Variants in MIA3 observed in about 807,000 individuals in gnomAD.
MIA3 encodes MIA SH3 domain ER export factor 3.
MIA3 carries 90 observed loss-of-function variants against 192.4 expected under a neutral mutation model. That is an observed-to-expected ratio of 0.47 (90% CI 0.39 to 0.56). The LOEUF (loss-of-function observed/expected upper bound fraction) is 0.56. MIA3 is among the 20% of genes least tolerant of loss of function. MIA3 has a pLI of 0.00. For missense variants in MIA3, 2,123 were observed against 2,269.4 expected (o/e 0.94, Z 1.31); for synonymous variants, 740 against 792.8 (o/e 0.93, Z 1.12).
intron 2 of MIA3, among the ~76,000 whole-genome samples, chr1:222,623,163 A>T (rs1480252990): frequency 6.6e-6 from 1 of 152,148 alleles, no homozygotes; most frequent in Non-Finnish European, 1.5e-5. Flanking sequence ...GCGATACTCT[A>T]CTTTCCCTCC....
Position 222,630,030 on chromosome 1 carries a change from A to G in MIA3, c.2810A>G (p.Gln937Arg), listed in dbSNP as rs1662324126. The stretch of plus-strand genomic sequence containing the variant: ...TTCTTTAAAGAACAACAGTCTTTGC[A>G]GCGGTTCCAGAAGTACTTTAATGTC... Reference protein sequence around the residue: ...SSFFKEQQSLQRFQKYFNVHE... With the variant: ...SSFFKEQQSLRRFQKYFNVHE... The change falls in exon 4 of 28, where the codon CAG becomes CGG. Residue 937 changes from glutamine to arginine, a missense_variant. Gln to Arg is a conservative substitution (Grantham distance 43). Transcript: ENST00000344922. 1 of 1,614,028 alleles carries G rather than the reference A, an allele frequency of 6.2e-7. No homozygotes were observed. Among genetic ancestry groups the G allele is most frequent in the African/African-American group, 1.3e-5 (1 of 74,936 alleles).
Position 222,618,242 on chromosome 1 carries a change from C to T in MIA3, c.132C>T (p.Ser44=). 1 of 1,469,678 alleles carries T rather than the reference C, an allele frequency of 6.8e-7. No homozygotes were observed. Among genetic ancestry groups the T allele is most frequent in the Middle Eastern group, 1.8e-4 (1 of 5,620 alleles). 91.0% of individuals were successfully genotyped at this position (1,469,678 alleles called of 1,614,324 possible). A position where few individuals can be genotyped will look rare whatever the true frequency, so the allele number is the denominator to read the frequency against. Residue 44 remains serine (S), a splice_region_variant and synonymous_variant, in exon 1 of 28, where the codon AGC becomes AGT. Transcript: ENST00000344922. ...EHKLCADDEC[S]MLMYRGEALE... ...AACTCTGCGCGGACGACGAATGCAGCAGTGAGTGCGCTGGAGGGGCGGCTG... is the reference window on the plus strand; with the variant it reads ...AACTCTGCGCGGACGACGAATGCAGTAGTGAGTGCGCTGGAGGGGCGGCTG...
chr1:222,630,708 T>C (rs770211581), intron 4 of MIA3, among the ~76,000 whole-genome samples: 25 of 152,260 alleles, frequency 1.6e-4, no homozygotes, highest in Non-Finnish European at 2.8e-4. Context: ...GAAAGGGTTT[T>C]ATTGAACACA....
intron 1 of MIA3, among the ~76,000 whole-genome samples, chr1:222,620,376 T>G (rs1329378696): frequency 6.6e-6 from 1 of 152,260 alleles, no homozygotes; most frequent in East Asian, 1.9e-4. Context: ...ATAGTTTTGC[T>G]TAGTCCCAGC....
At chr1:222,656,520 CTT>C (rs1222854196) in intron 18 of MIA3, among the ~76,000 whole-genome samples, 1 of 151,810 alleles carries the variant, frequency 6.6e-6, no homozygotes, top group East Asian at 1.9e-4. Context: ...TCGTCATTTT[CTT>C]TTTGGTTTTT....
chr1:222,648,754 C>A, intron 7 of MIA3, 75 bp from the exon 8 acceptor site: 1 of 853,362 alleles, frequency 1.2e-6, no homozygotes, highest in Non-Finnish European at 1.9e-6. Context: ...ACAATTCTGA[C>A]AGTTGTATTA....
At chr1:222,637,008 G>T (rs1240790392) in intron 6 of MIA3, among the ~76,000 whole-genome samples, 1 of 152,080 alleles carries the variant, frequency 6.6e-6, no homozygotes, top group Non-Finnish European at 1.5e-5. Flanking sequence ...TTTCTCTCAG[G>T]GGTCACAATT....
In MIA3 at chr1:222,633,826, C is replaced by T. The variant is rs532326330; in HGVS notation, c.3477+577C>T. ...AGGTTATTTGGGGAAGCCAGGGAAG[C>T]GTGGGTAGTTGGTGTTTTTTCTTTT... On this transcript the variant is annotated intron_variant, in intron 6 of 27. Transcript: ENST00000344922. 7.3e-5 allele frequency among the ~76,000 whole-genome samples: 11 copies of T among 151,428 alleles called. No individual in the cohort carries two copies. In the South Asian group the frequency reaches 1.7e-3, roughly 23 times the overall value.
intron 7 of MIA3, among the ~76,000 whole-genome samples, chr1:222,647,009 G>A (rs1663179231): frequency 1.3e-5 from 2 of 152,102 alleles, no homozygotes; most frequent in Admixed American, 1.3e-4. Context: ...GAAAATAAAT[G>A]CTGCAAGGAA....
rs2291832 is a variant in MIA3 at position 222,653,139 on chromosome 1, G to A, written c.4209+9G>A. The stretch of plus-strand genomic sequence containing the variant: ...AGGATGATAATATTAATGTAAGTGC[G>A]TTCATGAATACAAGCTTAATTCTTG... On this transcript the variant is annotated intron_variant, in intron 14 of 27. Transcript: ENST00000344922. 0.68 allele frequency: 1,080,728 copies of A among 1,599,446 alleles called. 376,240 individuals are homozygous for A. Among genetic ancestry groups the A allele is most frequent in the Non-Finnish European group, 0.72 (839,272 of 1,168,338 alleles).
Position 222,654,183 on chromosome 1 carries a change from A to G in MIA3, c.4322-60A>G, listed in dbSNP as rs1301697814. On this transcript the variant is annotated intron_variant, in intron 15 of 27. Coordinates refer to ENST00000344922, the MANE Select transcript of MIA3 (RefSeq NM_198551.4). ...TGTTTAGTTTTGGGTAAATCAAGAA[A>G]ATATAGATTTAAAAAGCAAGGGAAG... 5.3e-6 allele frequency: 8 copies of G among 1,514,670 alleles called. No homozygotes were observed. In the East Asian group the frequency reaches 9.0e-5, roughly 17 times the overall value. The allele number at this position is 1,514,670 out of a possible 1,614,324, so 93.8% of individuals were successfully genotyped here.
chr1:222,658,844 G>T, intron 19 of MIA3, 21 bp downstream of exon 19: 1 of 1,523,610 alleles, frequency 6.6e-7, no homozygotes, highest in South Asian at 1.1e-5. Flanking sequence ...CTCCTAAAGA[G>T]GGTATCAGTG....
intron 27 of MIA3, 96 bp from the exon 28 acceptor site, chr1:222,665,213 A>T (rs577507594): frequency 1.1e-6 from 1 of 906,238 alleles, no homozygotes; most frequent in African/African-American, 1.7e-5. Context: ...AAAAAAAAAA[A>T]AAAAAAAAGG....
intron 1 of MIA3, among the ~76,000 whole-genome samples, chr1:222,620,666 G>A (rs1198220006): frequency 1.3e-5 from 2 of 152,202 alleles, no homozygotes; most frequent in African/African-American, 4.8e-5. Flanking sequence ...GACCCTTTTA[G>A]TGGTTAGTTC....
chr1:222,631,789 G>A (rs1241255689), intron 4 of MIA3, among the ~76,000 whole-genome samples: 1 of 152,176 alleles, frequency 6.6e-6, no homozygotes, highest in African/African-American at 2.4e-5. Flanking sequence ...TGTGAGAAAG[G>A]CATGCTAGGG....
At chr1:222,625,776 G>A (rs932444103) in intron 3 of MIA3, among the ~76,000 whole-genome samples, 5 of 151,950 alleles carry the variant, frequency 3.3e-5, no homozygotes, top group Non-Finnish European at 5.9e-5. Context: ...TCTCTCTGCC[G>A]CCCAGGCTGG....
intron 6 of MIA3, among the ~76,000 whole-genome samples, chr1:222,644,773 C>CTT (rs551970012): frequency 7.7e-4 from 111 of 144,012 alleles, no homozygotes; most frequent in African/African-American, 2.5e-3. Flanking sequence ...TTTCGTCACT[C>CTT]TTTTTTTTTT....
chr1:222,659,359 G>A, intron 19 of MIA3, 94 bp from the exon 20 acceptor site: 1 of 1,075,590 alleles, frequency 9.3e-7, no homozygotes, highest in South Asian at 1.4e-5. Context: ...AGCTCTATTA[G>A]GGTACAGTTG....
chr1:222,665,332 G>C lies in MIA3; in HGVS notation c.5437G>C (p.Gly1813Arg), dbSNP rs777246888. The C allele has an allele frequency of 6.2e-7, 1 of 1,613,154 alleles. No homozygotes were observed. The highest frequency in any genetic ancestry group is 1.7e-5 in the Admixed American group (1 of 59,896). Residue 1813 changes from glycine (G) to arginine (R), a missense_variant, in exon 28 of 28, where the codon GGC becomes CGC. This residue lies in a region of MIA3 where 762 missense variants were observed against 856.4 expected (regional missense o/e 0.89). Transcript: ENST00000344922. ...AGGCCCTGGTATGCGTCCACCACTA[G>C]GCTTAAGAGAATTTGCACCAGGCGT... is the stretch of plus-strand genomic sequence containing the variant. ...PFGPGMRPPL[G>R]LREFAPGVPP...
Sources: allele counts gnomAD v4.1 joint callset (sites outside exome capture counted in the v4.1 genomes callset), GRCh38; gene constraint gnomAD v4.1.1; regional missense constraint gnomAD v4.1.1; transcripts MANE v1.5; gene names NCBI Gene and HGNC (gene_info 2026-07-23, HGNC 2026-07-21).